The following STOX2 variants were observed in gnomAD, a reference collection of about 807,000 sequenced individuals.
STOX2 encodes storkhead-box protein 2.
In STOX2, 28 loss-of-function variants were observed where a neutral mutation model predicts 60.9. That is an observed-to-expected ratio of 0.46 (90% CI 0.34 to 0.63). The LOEUF is 0.63. Ranked by LOEUF, STOX2 falls within the 30% of genes least tolerant of loss-of-function variation. The pLI is 0.01. For missense variants in STOX2, 1,024 were observed against 1,187.7 expected, an observed-to-expected ratio of 0.86 and a Z score of 2.03; for synonymous variants, 472 against 463.9, an observed-to-expected ratio of 1.02 and a Z score of -0.22.
At chr4:183,950,962 T>C (rs1013327723) in intron 1 of STOX2, among the ~76,000 whole-genome samples, 43 of 152,170 alleles carry the variant, frequency 2.8e-4, no homozygotes, top group African/African-American at 9.9e-4. Flanking sequence ...ACGCCTGTAA[T>C]CCCAGCACTT....
chr4:183,911,036 T>G (rs1446418786), intron 1 of STOX2, among the ~76,000 whole-genome samples: 2 of 152,182 alleles, frequency 1.3e-5, no homozygotes, highest in African/African-American at 4.8e-5. Context: ...GCGAGTAATA[T>G]GACCTCCCTC....
intron 1 of STOX2, among the ~76,000 whole-genome samples, chr4:183,936,908 A>G (rs1275585529): frequency 6.6e-6 from 1 of 152,256 alleles, no homozygotes; most frequent in African/African-American, 2.4e-5. Flanking sequence ...AGTTCTTAAA[A>G]TATTTGGAGA....
intron 1 of STOX2, among the ~76,000 whole-genome samples, chr4:183,953,308 CAG>C (rs1029334844): frequency 5.9e-5 from 9 of 152,082 alleles, no homozygotes; most frequent in Non-Finnish European, 1.0e-4. Flanking sequence ...ATTTTTCACA[CAG>C]GGGTGGTATA....
In STOX2 at chr4:184,023,415, T is replaced by G. The variant is rs1734664011; in HGVS notation, c.*6131T>G. 6.6e-6 allele frequency: 1 copy of G among 152,220 alleles called. No individual in the cohort carries two copies. The highest frequency in any genetic ancestry group is 2.4e-5 in the African/African-American group (1 of 41,462). 9.4% of individuals were successfully genotyped at this position (152,220 alleles called of 1,614,324 possible). A position where few individuals can be genotyped will look rare whatever the true frequency, so the allele number is the denominator to read the frequency against. On this transcript the variant is annotated 3_prime_UTR_variant, in exon 4 of 4. Transcript: ENST00000308497. Reference sequence around the variant, plus strand: ...ACAGGGATTTTTGTAAGTCTATATTTGAAAGTCCCTCCCTATGGTGATACT... The same window carrying G: ...ACAGGGATTTTTGTAAGTCTATATTGGAAAGTCCCTCCCTATGGTGATACT...
chr4:183,882,313 A>G (rs971209135), intron 1 of STOX2, among the ~76,000 whole-genome samples: 3 of 152,170 alleles, frequency 2.0e-5, no homozygotes, highest in Non-Finnish European at 4.4e-5. Context: ...CTGAATACAC[A>G]TTGATCTTTA....
intron 1 of STOX2, among the ~76,000 whole-genome samples, chr4:184,000,625 A>T (rs76113902): frequency 0.029 from 4,491 of 152,250 alleles, 74 homozygotes; most frequent in Admixed American, 0.064. Flanking sequence ...TATAGGTCCC[A>T]GCCCCGCAGG....
In STOX2 at chr4:183,866,049, G is replaced by A. The variant is rs567173174; in HGVS notation, c.364+67994G>A. Among the ~76,000 whole-genome samples the A allele has an allele frequency of 2.0e-5, 3 of 152,272 alleles. No individual in the cohort carries two copies. In the East Asian group the frequency reaches 5.8e-4, roughly 29 times the overall value. ...CTCCCAGCAGACCTGGGTATGAGGA[G>A]CAGAGAAAACCCACAGCATAGGTGA... is the stretch of plus-strand genomic sequence containing the variant. On this transcript the variant is annotated intron_variant, in intron 1 of 2. Transcript: ENST00000513034.
intron 1 of STOX2, 37 bp downstream of exon 1, chr4:183,906,993 G>A (rs1219760894): frequency 6.7e-7 from 1 of 1,488,718 alleles, no homozygotes; most frequent in South Asian, 1.3e-5. Context: ...CCGGGCCGGG[G>A]CCGCGGGACG....
At chr4:183,817,837 T>C (rs1257339389) in intron 1 of STOX2, among the ~76,000 whole-genome samples, 5 of 152,190 alleles carry the variant, frequency 3.3e-5, no homozygotes, top group African/African-American at 4.8e-5. Context: ...CCAGATATAC[T>C]TTACAGATCA....
chr4:183,844,228 T>C (rs1258056621), intron 1 of STOX2, among the ~76,000 whole-genome samples: 1 of 152,134 alleles, frequency 6.6e-6, no homozygotes, highest in Admixed American at 6.5e-5. Flanking sequence ...TCTTGGAGAG[T>C]TCCCATGTTC....
At chr4:183,899,283 T>C (rs1741411634) in intron 1 of STOX2, among the ~76,000 whole-genome samples, 1 of 152,198 alleles carries the variant, frequency 6.6e-6, no homozygotes, top group South Asian at 2.1e-4. Flanking sequence ...GGCCTCTGCA[T>C]GTTCAAGTGA....
intron 1 of STOX2, among the ~76,000 whole-genome samples, chr4:183,879,893 T>C (rs1035006132): frequency 1.3e-5 from 2 of 152,144 alleles, no homozygotes; most frequent in Non-Finnish European, 2.9e-5. Flanking sequence ...GTGCAAATCG[T>C]ACCACGTCGG....
At chr4:183,841,191 T>C (rs977636620) in intron 1 of STOX2, among the ~76,000 whole-genome samples, 90 of 148,756 alleles carry the variant, frequency 6.1e-4, no homozygotes, top group South Asian at 1.9e-3. Context: ...ATTTATTTAT[T>C]TATTTATTTA....
intron 1 of STOX2, among the ~76,000 whole-genome samples, chr4:183,919,771 A>G (rs1742045830): frequency 6.6e-6 from 1 of 151,880 alleles, no homozygotes; most frequent in Admixed American, 6.6e-5. Flanking sequence ...ATACCTGGCT[A>G]TTTTTAAATT....
intron 1 of STOX2, among the ~76,000 whole-genome samples, chr4:183,929,282 A>G (rs1005852803): frequency 6.6e-6 from 1 of 152,232 alleles, no homozygotes; most frequent in African/African-American, 2.4e-5. Flanking sequence ...CACAGCTATC[A>G]TTAAATCAGA....
chr4:183,954,298 T>TGTTTTTGTTTTC (rs1743181817), intron 1 of STOX2, among the ~76,000 whole-genome samples: 1 of 152,054 alleles, frequency 6.6e-6, no homozygotes, highest in Admixed American at 6.6e-5. Flanking sequence ...TTTTTGTTTT[T>TGTTTTTGTTTTC]GTTTTTTTGA....
rs550920687 is a variant in STOX2, at chr4:183,991,034, T to A, written c.167-10291T>A. Among the ~76,000 whole-genome samples the A allele has an allele frequency of 6.6e-5, 10 of 152,306 alleles. No individual in the cohort carries two copies. The South Asian group carries it at 1.7e-3, about 25-fold the overall frequency. On this transcript the variant is annotated intron_variant, in intron 1 of 3. Coordinates refer to ENST00000308497, the MANE Select transcript of STOX2 (RefSeq NM_020225.3). ...GATTTTTAATACTAAGAGTACTTAT[T>A]TAAGTCCTGAGTTTCCTTTCCCTTT... is the stretch of plus-strand genomic sequence containing the variant.
intron 1 of STOX2, among the ~76,000 whole-genome samples, chr4:183,890,599 A>G (rs1288168219): frequency 6.6e-6 from 1 of 152,126 alleles, no homozygotes; most frequent in Non-Finnish European, 1.5e-5. Flanking sequence ...GATGGAGGGC[A>G]GAAAGGAGGC....
rs1734631141 is a variant in STOX2, at chr4:184,022,579, T to C, written c.*5295T>C. 6.6e-6 allele frequency: 1 copy of C among 151,916 alleles called. No homozygotes were observed. The highest frequency in any genetic ancestry group is 1.5e-5 in the Non-Finnish European group (1 of 68,056). 9.4% of individuals were successfully genotyped at this position (151,916 alleles called of 1,614,324 possible). ...CAAGGAGGGAATGGGGTGTTTCAAG[T>C]CAGGCAGCGATGATTCTGGAAGGTT... On this transcript the variant is annotated 3_prime_UTR_variant, in exon 4 of 4. Coordinates refer to ENST00000308497, the MANE Select transcript of STOX2 (RefSeq NM_020225.3).
Sources: allele counts gnomAD v4.1 joint callset (sites outside exome capture counted in the v4.1 genomes callset), GRCh38; gene constraint gnomAD v4.1.1; transcripts MANE v1.5; gene names NCBI Gene and HGNC (gene_info 2026-07-23, HGNC 2026-07-21).